BAZ2B: variants seen among roughly 807,000 people sequenced by gnomAD.
The protein encoded by BAZ2B is bromodomain adjacent to zinc finger domain protein 2B.
A neutral mutation model predicts 246.0 loss-of-function variants in BAZ2B; 91 were observed. That is an observed-to-expected ratio of 0.37 (90% CI 0.31 to 0.44). BAZ2B has a LOEUF of 0.44. BAZ2B is among the 20% of genes least tolerant of loss of function. The pLI is 1.00. For missense variants in BAZ2B, 2,332 were observed against 2,533.7 expected, an observed-to-expected ratio of 0.92 and a Z score of 1.71; for synonymous variants, 855 against 860.0, an observed-to-expected ratio of 0.99 and a Z score of 0.10.
intron 21 of BAZ2B, among the ~76,000 whole-genome samples, chr2:159,387,876 A>T (rs2062825694): frequency 6.6e-6 from 1 of 152,114 alleles, no homozygotes; most frequent in African/African-American, 2.4e-5. Context: ...TGCTTAGGAA[A>T]ATTTAAATAT....
rs187571145 is a variant in BAZ2B at position 159,478,638 on chromosome 2, C to A, written c.82G>T (p.Val28Leu). The change falls in exon 3 of 37, where the codon GTA becomes TTA. Residue 28 changes from valine (V) to leucine (L), a missense_variant. Val to Leu is a conservative substitution (Grantham distance 32). This residue lies in a region of BAZ2B where 242 missense variants were observed against 237.4 expected (regional missense o/e 1.02). Coordinates refer to ENST00000392783, the MANE Select transcript of BAZ2B (RefSeq NM_013450.4). ...GTGGAAAGGCCACCTTTTGAAACTA[C>A]TGAAGCCACAGAAGGTGTCGAAGAT... The part of the protein sequence containing the change: ...TSSSTPSVAS[V>L]VSKGGLSTGV... 6.2e-6 allele frequency: 10 copies of A among 1,611,564 alleles called. No homozygotes were observed. Among genetic ancestry groups the A allele is most frequent in the Non-Finnish European group, 8.5e-6 (10 of 1,178,620 alleles).
At chr2:159,478,436 A>G in intron 3 of BAZ2B, 139 bp downstream of exon 3, 1 of 862,546 alleles carries the variant, frequency 1.2e-6, no homozygotes. Flanking sequence ...GAAAAAGCAA[A>G]AAGACTAGGT....
At chr2:159,382,007 C>T (rs1365908609) in intron 25 of BAZ2B, among the ~76,000 whole-genome samples, 1 of 152,130 alleles carries the variant, frequency 6.6e-6, no homozygotes, top group Non-Finnish European at 1.5e-5. Context: ...GTTGTATCTG[C>T]CTAGCACATT....
chr2:159,332,400 T>C (rs1484260500), intron 34 of BAZ2B, 140 bp downstream of exon 34: 3 of 779,788 alleles, frequency 3.8e-6, no homozygotes, highest in East Asian at 2.9e-5. Flanking sequence ...GGCCAGAGGA[T>C]AGCTTGAGCC....
the BAZ2B span, among the ~76,000 whole-genome samples, chr2:159,635,095 T>C: frequency 1.2e-4 from 18 of 152,272 alleles, no homozygotes; most frequent in Non-Finnish European, 2.6e-4. Context: ...TGTGGCAACT[T>C]TAATGTGCAG....
chr2:159,316,519 GTC>G, downstream of BAZ2B, among the ~76,000 whole-genome samples: 1 of 151,382 alleles, frequency 6.6e-6, no homozygotes, highest in African/African-American at 2.4e-5. Flanking sequence ...GTGAAACCCC[GTC>G]TCTACTAAAA....
intron 1 of BAZ2B, among the ~76,000 whole-genome samples, chr2:159,571,902 C>T (rs1684107765): frequency 6.6e-6 from 1 of 152,214 alleles, no homozygotes; most frequent in Non-Finnish European, 1.5e-5. Flanking sequence ...TTAATCCCTT[C>T]ATAAGGGTGG....
chr2:159,467,908 T>G (rs2077282586), intron 3 of BAZ2B, among the ~76,000 whole-genome samples: 1 of 152,132 alleles, frequency 6.6e-6, no homozygotes, highest in Admixed American at 6.5e-5. Flanking sequence ...CAGATGATGG[T>G]CAAATAAAAA....
In BAZ2B at chr2:159,453,670, C is replaced by T. The variant is rs1188081989; in HGVS notation, c.277G>A (p.Gly93Arg). 4 of 1,613,264 alleles carry T rather than the reference C, an allele frequency of 2.5e-6. No individual in the cohort carries two copies. The highest frequency in any genetic ancestry group is 3.4e-6 in the Non-Finnish European group (4 of 1,179,602). ...AAGGCTGTGGGTGTACCAAGTGTCC[C>T]CAAACCACCAAATTCTGAATGCCCT... ...SSGHSEFGGL[G>R]TLGTPTALAA... The change falls in exon 4 of 37, where the codon GGG becomes AGG. Residue 93 changes from glycine to arginine, a missense_variant. By Grantham distance (125) the Gly-to-Arg change is moderately radical. Around this residue, in one of 9 missense-constraint regions of BAZ2B, gnomAD observed 242 missense variants for 237.4 expected, o/e 1.02. Transcript: ENST00000392783.
the BAZ2B span, among the ~76,000 whole-genome samples, chr2:159,685,320 C>A: frequency 6.6e-6 from 1 of 152,116 alleles, no homozygotes; most frequent in Non-Finnish European, 1.5e-5. Flanking sequence ...AATAAGTTAA[C>A]ATTTGGTAAC....
chr2:159,483,515 G>A (rs942648951), intron 2 of BAZ2B, among the ~76,000 whole-genome samples: 1 of 152,090 alleles, frequency 6.6e-6, no homozygotes, highest in African/African-American at 2.4e-5. Context: ...GGTGGCTCAC[G>A]CCTGTAATTC....
chr2:159,318,986 G>C lies in BAZ2B; in HGVS notation c.*1279C>G, dbSNP rs2062400839. 1.3e-5 allele frequency: 2 copies of C among 152,552 alleles called. No homozygotes were observed. Among genetic ancestry groups the C allele is most frequent in the Admixed American group, 1.3e-4 (2 of 15,260 alleles). 9.4% of individuals were successfully genotyped at this position (152,552 alleles called of 1,614,324 possible). On this transcript the variant is annotated 3_prime_UTR_variant, in exon 37 of 37. Transcript: ENST00000392783. ...TTAAGAAAAACTAAAAAATTAGTTT[G>C]TAAAAGTCTTTTATTGTATCCGTGC...
intron 4 of BAZ2B, among the ~76,000 whole-genome samples, chr2:159,452,287 C>A (rs2075197409): frequency 1.3e-5 from 2 of 152,126 alleles, no homozygotes; most frequent in African/African-American, 4.8e-5. Flanking sequence ...AATTATTAAC[C>A]ATTAAAGTGG....
intron 1 of BAZ2B, among the ~76,000 whole-genome samples, chr2:159,590,676 G>T (rs989021890): frequency 1.3e-5 from 2 of 152,196 alleles, no homozygotes; most frequent in Non-Finnish European, 1.5e-5. Context: ...GTGAAAAGAC[G>T]CTTTAACTCA....
In BAZ2B at chr2:159,385,139, C is replaced by T; in HGVS notation, c.3686+16G>A. The T allele has an allele frequency of 6.3e-7, 1 of 1,591,300 alleles. No individual in the cohort carries two copies. Among genetic ancestry groups the T allele is most frequent in the Non-Finnish European group, 8.6e-7 (1 of 1,162,148 alleles). On this transcript the variant is annotated intron_variant, in intron 23 of 36. Transcript: ENST00000392783. ...CAAAATGGAAAAATCACGGAAAAGC[C>T]TGGGCATATGCTCACCTGACCACAC... is the stretch of plus-strand genomic sequence containing the variant.
At chr2:159,379,656 G>A (rs10929940) in intron 25 of BAZ2B, among the ~76,000 whole-genome samples, 4 of 151,974 alleles carry the variant, frequency 2.6e-5, no homozygotes, top group African/African-American at 9.7e-5. Context: ...ATTCTACATT[G>A]ATTCATAAAT....
chr2:159,573,014 G>A (rs1684400735), intron 1 of BAZ2B, among the ~76,000 whole-genome samples: 1 of 152,040 alleles, frequency 6.6e-6, no homozygotes, highest in Admixed American at 6.6e-5. Context: ...TATTATGAGG[G>A]CAAAATATCA....
chr2:159,502,251 C>A (rs1577862145), intron 2 of BAZ2B, among the ~76,000 whole-genome samples: 1 of 151,828 alleles, frequency 6.6e-6, no homozygotes, highest in East Asian at 1.9e-4. Flanking sequence ...TTGCACAACT[C>A]TGTGAATACA....
At chr2:159,631,566 T>C in the BAZ2B span, among the ~76,000 whole-genome samples, 2 of 152,242 alleles carry the variant, frequency 1.3e-5, no homozygotes, top group Non-Finnish European at 1.5e-5. Context: ...ATTATTGGTG[T>C]CATGTCAAAA....
Sources: allele counts gnomAD v4.1 joint callset (sites outside exome capture counted in the v4.1 genomes callset), GRCh38; gene constraint gnomAD v4.1.1; regional missense constraint gnomAD v4.1.1; transcripts MANE v1.5; gene names NCBI Gene and HGNC (gene_info 2026-07-23, HGNC 2026-07-21).